The following SLC35F5 variants were observed in gnomAD, a reference collection of about 807,000 sequenced individuals.
SLC35F5 encodes solute carrier family 35 member F5.
In SLC35F5, 54 loss-of-function variants were observed where a neutral mutation model predicts 68.6. The observed-to-expected ratio is 0.79, with a 90% CI of 0.63 to 0.99. The LOEUF (loss-of-function observed/expected upper bound fraction) is 0.99. SLC35F5 is among the 50% of genes least tolerant of loss of function. The pLI is 0.00. For missense variants in SLC35F5, 567 were observed against 626.9 expected, an observed-to-expected ratio of 0.90 and a Z score of 1.02; for synonymous variants, 211 against 205.2, an observed-to-expected ratio of 1.03 and a Z score of -0.24.
rs1330881557 is a variant in SLC35F5 at position 113,713,911 on chromosome 2, A to G, written c.*1307T>C. 1 of 152,158 alleles carries G rather than the reference A, an allele frequency of 6.6e-6. No individual in the cohort carries two copies. The highest frequency in any genetic ancestry group is 1.9e-4 in the East Asian group (1 of 5,206). 9.4% of individuals were successfully genotyped at this position (152,158 alleles called of 1,614,324 possible). A position where few individuals can be genotyped will look rare whatever the true frequency, so the allele number is the denominator to read the frequency against. ...ACACCAAAGCAATTTTAAGAATGTG[A>G]ATAGGAAGCTAAACACTGCAAAGAG... On this transcript the variant is annotated 3_prime_UTR_variant, in exon 16 of 16. Transcript: ENST00000245680.
intron 14 of SLC35F5, among the ~76,000 whole-genome samples, chr2:113,718,896 A>G (rs1240330558): frequency 6.3e-5 from 4 of 63,974 alleles, no homozygotes; most frequent in Admixed American, 1.3e-4. Context: ...AAAGAAAGAA[A>G]GAAAGAAAGA....
rs979906502 is a variant in SLC35F5 at position 113,751,676 on chromosome 2, G to A, written c.274-1108C>T. 3.9e-5 allele frequency among the ~76,000 whole-genome samples: 6 copies of A among 152,088 alleles called. No individual in the cohort carries two copies. The South Asian group carries it at 8.3e-4, about 21-fold the overall frequency. On this transcript the variant is annotated intron_variant, in intron 3 of 15. Coordinates refer to ENST00000245680, the MANE Select transcript of SLC35F5 (RefSeq NM_025181.5). Reference sequence around the variant, plus strand: ...AATACAAAAATTTGCAGTACATGGGGGCACCTGCCTGTAATCCCAGGTACT... The same window carrying A: ...AATACAAAAATTTGCAGTACATGGGAGCACCTGCCTGTAATCCCAGGTACT...
intron 9 of SLC35F5, chr2:113,733,309 C>T: frequency 3.7e-6 from 1 of 269,354 alleles, no homozygotes; most frequent in East Asian, 1.5e-4. Context: ...TTGCCAACCT[C>T]TGTTCGTCTA....
chr2:113,723,016 C>A, intron 13 of SLC35F5, 88 bp downstream of exon 13: 3 of 814,072 alleles, frequency 3.7e-6, no homozygotes, highest in Non-Finnish European at 5.5e-6. Context: ...ATGTTTGTAT[C>A]CTTATAATTT....
intron 7 of SLC35F5, among the ~76,000 whole-genome samples, chr2:113,737,417 G>A (rs1688133485): frequency 6.6e-6 from 1 of 152,158 alleles, no homozygotes; most frequent in African/African-American, 2.4e-5. Context: ...GATAAAATGA[G>A]TTAACAATTG....
chr2:113,734,770 C>G, intron 8 of SLC35F5, 97 bp from the exon 9 acceptor site: 1 of 671,886 alleles, frequency 1.5e-6, no homozygotes. Context: ...AATTATATAC[C>G]TACCTTTCAA....
intron 5 of SLC35F5, 111 bp downstream of exon 5, chr2:113,746,166 T>C: frequency 2.5e-6 from 2 of 800,732 alleles, no homozygotes; most frequent in Non-Finnish European, 2.1e-6. Context: ...CACCCAATAT[T>C]GAGCCATATC....
downstream of SLC35F5, chr2:113,705,550 T>TA (rs373794076): frequency 0.21 from 31,086 of 145,376 alleles, 3,305 homozygotes; most frequent in South Asian, 0.25. Flanking sequence ...AGATTCCATC[T>TA]AAAAAAAAAA....
chr2:113,714,358 G>A lies in SLC35F5; in HGVS notation c.*860C>T, dbSNP rs1356802330. On this transcript the variant is annotated 3_prime_UTR_variant, in exon 16 of 16. Coordinates refer to ENST00000245680, the MANE Select transcript of SLC35F5 (RefSeq NM_025181.5). ...ATACATCTACAATACACAAATAGACGTATAAACATTGTATTTTAATAATAC... is the reference window on the plus strand; with the variant it reads ...ATACATCTACAATACACAAATAGACATATAAACATTGTATTTTAATAATAC... 1.3e-5 allele frequency: 2 copies of A among 151,916 alleles called. No individual in the cohort carries two copies. The highest frequency in any genetic ancestry group is 2.9e-5 in the Non-Finnish European group (2 of 67,922). 9.4% of individuals were successfully genotyped at this position (151,916 alleles called of 1,614,324 possible). A position where few individuals can be genotyped will look rare whatever the true frequency, so the allele number is the denominator to read the frequency against.
intron 12 of SLC35F5, among the ~76,000 whole-genome samples, chr2:113,723,972 T>C (rs560017145): frequency 2.3e-4 from 35 of 152,302 alleles, no homozygotes; most frequent in African/African-American, 8.2e-4. Context: ...ATAATGTATA[T>C]TGTTAGGACT....
At chr2:113,750,277 A>T in intron 4 of SLC35F5, 148 bp downstream of exon 4, 1 of 615,520 alleles carries the variant, frequency 1.6e-6, no homozygotes, top group South Asian at 5.5e-5. Flanking sequence ...AAAATTTTGG[A>T]CAAGAGCCGG....
intron 12 of SLC35F5, among the ~76,000 whole-genome samples, chr2:113,724,632 A>T (rs933718301): frequency 6.6e-6 from 1 of 152,144 alleles, no homozygotes; most frequent in Admixed American, 6.6e-5. Flanking sequence ...GTCTTTTGCA[A>T]GGGAAAACTA....
At position 113,717,768 on chromosome 2, in the gene SLC35F5, C is replaced by T; in HGVS notation, c.*7G>A. 1 of 1,610,230 alleles carries T rather than the reference C, an allele frequency of 6.2e-7. No homozygotes were observed. The highest frequency in any genetic ancestry group is 8.5e-7 in the Non-Finnish European group (1 of 1,178,076). Reference sequence around the variant, plus strand: ...ACATACAAACCTGGGCTACAGACAACAGACAGCTAACTAGCTCCATCCTCC... The same window carrying T: ...ACATACAAACCTGGGCTACAGACAATAGACAGCTAACTAGCTCCATCCTCC... On this transcript the variant is annotated 3_prime_UTR_variant, in exon 15 of 16. Coordinates refer to ENST00000245680, the MANE Select transcript of SLC35F5 (RefSeq NM_025181.5).
chr2:113,755,195 C>T lies in SLC35F5; in HGVS notation c.243G>A (p.Val81=). 1.2e-6 allele frequency: 2 copies of T among 1,613,990 alleles called. No homozygotes were observed. The highest frequency in any genetic ancestry group is 1.7e-6 in the Non-Finnish European group (2 of 1,180,008). The stretch of plus-strand genomic sequence containing the variant: ...TAAGTTCAGAGGAAGCAACCCATAT[C>T]ACATCAACAAGCAGAAGAATAACAA... ...LGIVILLLVD[V]IWVASSELTS... The change falls in exon 3 of 16, where the codon GTG becomes GTA. Residue 81 remains valine (V), a synonymous_variant. Coordinates refer to ENST00000245680, the MANE Select transcript of SLC35F5 (RefSeq NM_025181.5).
At chr2:113,729,529 A>T (rs375761670) in intron 10 of SLC35F5, 24 bp from the exon 11 acceptor site, 9 of 1,295,024 alleles carry the variant, frequency 6.9e-6, no homozygotes, top group Non-Finnish European at 1.0e-5. Context: ...CATGATTTAA[A>T]GCAATCACTC....
chr2:113,756,301 G>T, intron 1 of SLC35F5, 69 bp downstream of exon 1: 1 of 1,548,544 alleles, frequency 6.5e-7, no homozygotes, highest in Non-Finnish European at 8.7e-7. Flanking sequence ...GCAGGAGGTG[G>T]TGCTGCTGGT....
chr2:113,755,407 C>G (rs1426899895), intron 2 of SLC35F5, 47 bp downstream of exon 2: 1 of 1,608,024 alleles, frequency 6.2e-7, no homozygotes. Context: ...CTTTTGTTAG[C>G]TAATGTTCAG....
At chr2:113,746,413 G>T in intron 4 of SLC35F5, 74 bp from the exon 5 acceptor site, 2 of 1,226,482 alleles carry the variant, frequency 1.6e-6, no homozygotes, top group Non-Finnish European at 1.2e-6. Context: ...ACGTAACTCA[G>T]ATAAATAGAA....
At chr2:113,753,445 G>A (rs966904413) in intron 3 of SLC35F5, among the ~76,000 whole-genome samples, 3 of 151,928 alleles carry the variant, frequency 2.0e-5, no homozygotes, top group African/African-American at 7.3e-5. Flanking sequence ...CCAAAGTGTT[G>A]GGATTTCAGG....
Sources: gnomAD v4.1 joint callset for allele counts (sites outside exome capture counted in the v4.1 genomes callset) on GRCh38, gnomAD v4.1.1 for gene constraint, MANE v1.5 for transcripts, NCBI Gene and HGNC (gene_info 2026-07-23, HGNC 2026-07-21) for gene names.